G2E3: variants seen among roughly 807,000 people sequenced by gnomAD.
G2E3 encodes G2/M-phase specific E3 ubiquitin protein ligase.
A neutral mutation model predicts 92.8 loss-of-function variants in G2E3; 35 were observed. The observed-to-expected ratio is 0.38, with a 90% confidence interval of 0.29 to 0.50. The LOEUF is 0.50. G2E3 is among the 20% of genes least tolerant of loss of function. G2E3 has a pLI of 0.94. For missense variants in G2E3, 554 were observed against 823.8 expected (o/e 0.67, Z 4.01); for synonymous variants, 242 against 272.4 (o/e 0.89, Z 1.10).
chr14:30,577,621 A>G (rs1197842863), intron 1 of G2E3: 2 of 152,212 alleles, frequency 1.3e-5, no homozygotes, highest in Non-Finnish European at 2.9e-5. Flanking sequence ...TCCATGGTGT[A>G]TGTTGAAAAT....
At chr14:30,606,014 T>G (rs1220594835) in intron 11 of G2E3, among the ~76,000 whole-genome samples, 1 of 152,142 alleles carries the variant, frequency 6.6e-6, no homozygotes, top group East Asian at 1.9e-4. Context: ...CATTTTTTAT[T>G]TAAGAATATA....
intron 6 of G2E3, among the ~76,000 whole-genome samples, chr14:30,594,365 T>G (rs1881165774): frequency 6.6e-6 from 1 of 152,210 alleles, no homozygotes; most frequent in South Asian, 2.1e-4. Flanking sequence ...AGGTTATTAT[T>G]ACTAATTGTC....
chr14:30,587,435 CAT>C (rs1880772414), intron 3 of G2E3, among the ~76,000 whole-genome samples: 1 of 152,172 alleles, frequency 6.6e-6, no homozygotes, highest in South Asian at 2.1e-4. Flanking sequence ...TGCATTAGTA[CAT>C]ACAGTGTTTC....
At chr14:30,616,184 C>A (rs1594517751) in intron 14 of G2E3, 94 bp from the exon 15 acceptor site, 6 of 836,778 alleles carry the variant, frequency 7.2e-6, no homozygotes, top group Non-Finnish European at 1.2e-5. Context: ...TTTCAGTATT[C>A]CAAGTCTATT....
Position 30,614,986 on chromosome 14 carries a change from A to G in G2E3, c.1674-363A>G, listed in dbSNP as rs1020672704. Reference sequence around the variant, plus strand: ...TATCACTCTTGGTAATATCTGGGAAACTTTATTTTTATAATAATTAGCTTT... The same window carrying G: ...TATCACTCTTGGTAATATCTGGGAAGCTTTATTTTTATAATAATTAGCTTT... On this transcript the variant is annotated intron_variant, in intron 13 of 14. Coordinates refer to ENST00000206595, the MANE Select transcript of G2E3 (RefSeq NM_017769.5). 6.6e-5 allele frequency among the ~76,000 whole-genome samples: 10 copies of G among 152,142 alleles called. No homozygotes were observed. In the East Asian group the frequency reaches 7.7e-4, roughly 12 times the overall value.
At chr14:30,578,871 A>G (rs778751833) in intron 1 of G2E3, among the ~76,000 whole-genome samples, 2 of 152,136 alleles carry the variant, frequency 1.3e-5, no homozygotes, top group Non-Finnish European at 2.9e-5. Context: ...TTCTTTCCAT[A>G]TGGATATTCA....
At chr14:30,565,525 G>A (rs1172269575) in intron 1 of G2E3, among the ~76,000 whole-genome samples, 1 of 151,556 alleles carries the variant, frequency 6.6e-6, no homozygotes, top group African/African-American at 2.4e-5. Context: ...CAAATACAAG[G>A]TCATGAAAAT....
In G2E3 at chr14:30,598,565, T is replaced by A; in HGVS notation, c.718T>A (p.Cys240Ser). The change falls in exon 8 of 15, where the codon TGC (cysteine) becomes AGC (serine). Residue 240 changes from cysteine to serine, a missense_variant. This residue lies in a region of G2E3 where 397 missense variants were observed against 560.3 expected (regional missense o/e 0.71). Transcript: ENST00000206595. ...GCGTTGTGATGTTCGAAGATGTCGT[T>A]GCAAAGAAGGGCGAGACTATAATGC... is the stretch of plus-strand genomic sequence containing the variant. ...YERCDVRRCR[C>S]KEGRDYNAPD... 2 of 1,613,306 alleles carry A rather than the reference T, an allele frequency of 1.2e-6. No homozygotes were observed. Among genetic ancestry groups the A allele is most frequent in the Non-Finnish European group, 1.7e-6 (2 of 1,179,206 alleles).
rs73251125 is a variant in G2E3, at chr14:30,611,069, A to G, written c.1501-1138A>G. ...TTCCTTCCTCTCATTATCGTGTAAC[A>G]CTTAGCATTATTGTTTGCATCCACA... On this transcript the variant is annotated intron_variant, in intron 12 of 14. Coordinates refer to ENST00000206595, the MANE Select transcript of G2E3 (RefSeq NM_017769.5). 2.9e-3 allele frequency among the ~76,000 whole-genome samples: 447 copies of G among 152,362 alleles called. 2 individuals are homozygous for G. Among genetic ancestry groups the G allele is most frequent in the African/African-American group, 0.011 (438 of 41,582 alleles).
Position 30,593,553 on chromosome 14 carries a change from T to C in G2E3, c.442T>C (p.Leu148=), listed in dbSNP as rs1881122982. The change falls in exon 6 of 15, where the codon TTG becomes CTG. Residue 148 remains leucine, a synonymous_variant. Coordinates refer to ENST00000206595, the MANE Select transcript of G2E3 (RefSeq NM_017769.5). Reference sequence around the variant, plus strand: ...AGAGTCCTTACCATGCACCATTTGCTTGGAATTTATTGAGCCTATTCCAAG... The same window carrying C: ...AGAGTCCTTACCATGCACCATTTGCCTGGAATTTATTGAGCCTATTCCAAG... ...YRESLPCTIC[L]EFIEPIPSYN... is the part of the protein sequence containing the mutation. 6.3e-7 allele frequency: 1 copy of C among 1,585,438 alleles called. No individual in the cohort carries two copies. The highest frequency in any genetic ancestry group is 1.7e-5 in the Admixed American group (1 of 59,880).
intron 10 of G2E3, chr14:30,603,025 C>T (rs1359281457): frequency 6.6e-6 from 1 of 152,182 alleles, no homozygotes; most frequent in Non-Finnish European, 1.5e-5. Flanking sequence ...AAATTAATTT[C>T]TGTTCCCATG....
chr14:30,607,256 G>C (rs1317867721), intron 11 of G2E3, among the ~76,000 whole-genome samples: 3 of 152,100 alleles, frequency 2.0e-5, no homozygotes, highest in Admixed American at 1.3e-4. Context: ...TACAAGTACA[G>C]TCATTTGTCA....
chr14:30,601,809 T>G lies in G2E3; in HGVS notation c.792T>G (p.Ser264Arg). ...EIKRCQCCGS[S>R]GTHLACSSLR... ...AGCGCTGTCAGTGTTGTGGTTCCAG[T>G]GGCACACATTTAGCCTGCTCCTCAT... Residue 264 changes from serine (S) to arginine (R), a missense_variant, in exon 9 of 15, where the codon AGT (serine) becomes AGG (arginine). Transcript: ENST00000206595. 6.2e-7 allele frequency: 1 copy of G among 1,613,936 alleles called. No homozygotes were observed. The highest frequency in any genetic ancestry group is 8.5e-7 in the Non-Finnish European group (1 of 1,179,818).
chr14:30,579,849 C>G lies in G2E3; in HGVS notation c.-4-1227C>G, dbSNP rs965927845. 4.6e-5 allele frequency among the ~76,000 whole-genome samples: 7 copies of G among 152,172 alleles called. No homozygotes were observed. The East Asian group carries it at 9.6e-4, about 21-fold the overall frequency. ...CATTATTATGTTTTATTCTTTTCCA[C>G]TTAAATACCAAGAGATTGCACATAC... On this transcript the variant is annotated intron_variant, in intron 1 of 14. Transcript: ENST00000206595.
intron 1 of G2E3, among the ~76,000 whole-genome samples, chr14:30,569,974 C>T (rs1234719722): frequency 6.6e-6 from 1 of 152,174 alleles, no homozygotes; most frequent in Non-Finnish European, 1.5e-5. Context: ...ATATCACCAC[C>T]TCTGTAAGGC....
rs1881394717 is a variant in G2E3 at position 30,598,430 on chromosome 14, T to A, written c.636-53T>A. ...TTATTTTTAGATTCATTCCTGATCC[T>A]CTTATGTAACATTATTTATAGGTCA... is the stretch of plus-strand genomic sequence containing the variant. On this transcript the variant is annotated intron_variant, in intron 7 of 14. Coordinates refer to ENST00000206595, the MANE Select transcript of G2E3 (RefSeq NM_017769.5). 1.3e-5 allele frequency: 15 copies of A among 1,133,628 alleles called. No individual in the cohort carries two copies. In the South Asian group the frequency reaches 1.6e-4, roughly 12 times the overall value. The allele number at this position is 1,133,628 out of a possible 1,614,324, so 70.2% of individuals were successfully genotyped here. A position where few individuals can be genotyped will look rare whatever the true frequency, so the allele number is the denominator to read the frequency against.
At chr14:30,574,760 C>T (rs1879975871) in intron 1 of G2E3, among the ~76,000 whole-genome samples, 1 of 152,166 alleles carries the variant, frequency 6.6e-6, no homozygotes, top group Non-Finnish European at 1.5e-5. Context: ...TGATCTTACT[C>T]TTTTTTATGG....
intron 7 of G2E3, among the ~76,000 whole-genome samples, chr14:30,597,895 A>C (rs1054509984): frequency 2.0e-5 from 3 of 152,230 alleles, no homozygotes; most frequent in African/African-American, 7.2e-5. Context: ...AATGATAGTG[A>C]ACTTAAAATT....
At chr14:30,596,897 T>G (rs994609308) in intron 6 of G2E3, among the ~76,000 whole-genome samples, 1 of 152,254 alleles carries the variant, frequency 6.6e-6, no homozygotes, top group African/African-American at 2.4e-5. Flanking sequence ...CCAGTAGGCT[T>G]ACAGTTTCCT....
Sources: gnomAD v4.1 joint callset for allele counts (sites outside exome capture counted in the v4.1 genomes callset) on GRCh38, gnomAD v4.1.1 for gene constraint, gnomAD v4.1.1 regional missense constraint, MANE v1.5 for transcripts, NCBI Gene and HGNC (gene_info 2026-07-23, HGNC 2026-07-21) for gene names.